KAZN: variants seen among roughly 807,000 people sequenced by gnomAD.
KAZN encodes the protein kazrin.
Under a neutral mutation model 87.4 loss-of-function variants are expected in KAZN, and 40 were observed. The observed-to-expected ratio is 0.46, with a 90% CI of 0.36 to 0.60. The LOEUF is 0.60. Among genes scored for constraint, KAZN ranks in the 20% least tolerant of loss-of-function variants. The pLI is 0.00. For synonymous variants in KAZN, 466 were observed against 458.3 expected, an observed-to-expected ratio of 1.02 and a Z score of -0.22; for missense variants, 898 against 1,073.9, an observed-to-expected ratio of 0.84 and a Z score of 2.29.
intron 1 of KAZN, among the ~76,000 whole-genome samples, chr1:14,166,346 A>G (rs1221970144): frequency 6.6e-6 from 1 of 152,198 alleles, no homozygotes; most frequent in East Asian, 1.9e-4. Context: ...ACATGAAGTC[A>G]TAGTGATTTC....
At chr1:14,806,451 C>A (rs1230010486) in intron 1 of KAZN, among the ~76,000 whole-genome samples, 1 of 152,196 alleles carries the variant, frequency 6.6e-6, no homozygotes, top group South Asian at 2.1e-4. Context: ...CCAATCATCC[C>A]CTGCAGACAC....
chr1:14,753,352 G>A (rs1208240898), intron 1 of KAZN, among the ~76,000 whole-genome samples: 1 of 152,162 alleles, frequency 6.6e-6, no homozygotes, highest in Non-Finnish European at 1.5e-5. Flanking sequence ...AGTGACAAAT[G>A]CCACAAGGTG....
At chr1:15,004,201 C>T (rs931428929) in intron 2 of KAZN, among the ~76,000 whole-genome samples, 2 of 152,126 alleles carry the variant, frequency 1.3e-5, no homozygotes, top group Non-Finnish European at 2.9e-5. Flanking sequence ...CTAAAATGTG[C>T]ACTTTTTGCA....
At chr1:14,256,374 T>C (rs1650514434) in intron 2 of KAZN, among the ~76,000 whole-genome samples, 1 of 151,466 alleles carries the variant, frequency 6.6e-6, no homozygotes, top group South Asian at 2.1e-4. Flanking sequence ...CATTATGAAG[T>C]AATGGTCTTA....
chr1:14,506,308 C>T (rs1670582317), intron 2 of KAZN, among the ~76,000 whole-genome samples: 1 of 152,210 alleles, frequency 6.6e-6, no homozygotes, highest in Non-Finnish European at 1.5e-5. Flanking sequence ...TTAAACCAGA[C>T]TTCACTCTCC....
chr1:13,986,563 A>AT (rs1162580613), intron 1 of KAZN, among the ~76,000 whole-genome samples: 1 of 152,214 alleles, frequency 6.6e-6, no homozygotes, highest in Non-Finnish European at 1.5e-5. Context: ...GACTTTGCCT[A>AT]TTTTTGGCTA....
chr1:14,073,818 G>A (rs536266114), intron 1 of KAZN, among the ~76,000 whole-genome samples: 10 of 152,268 alleles, frequency 6.6e-5, no homozygotes, highest in African/African-American at 2.4e-4. Context: ...ATTTGGGTTG[G>A]TTCCAAGTCT....
At chr1:14,180,976 A>G (rs1165339967) in intron 2 of KAZN, among the ~76,000 whole-genome samples, 1 of 152,112 alleles carries the variant, frequency 6.6e-6, no homozygotes, top group Non-Finnish European at 1.5e-5. Flanking sequence ...ATTTTGGTGC[A>G]TTTGCTGTAC....
Position 14,221,507 on chromosome 1 carries a change from G to A in KAZN, c.249+40915G>A, listed in dbSNP as rs139155585. Among the ~76,000 whole-genome samples the A allele has an allele frequency of 1.2e-3, 177 of 152,090 alleles. 1 individual carries two copies. Among genetic ancestry groups the A allele is most frequent in the Middle Eastern group, 6.8e-3 (2 of 292 alleles). On this transcript the variant is annotated intron_variant, in intron 2 of 16. Transcript: ENST00000636203. ...TTGCCTCCGAGAAGGGAAATAATAAGTTGCATTAAAACTCCTTAAAAAGAG... is the reference window on the plus strand; with the variant it reads ...TTGCCTCCGAGAAGGGAAATAATAAATTGCATTAAAACTCCTTAAAAAGAG...
chr1:14,882,699 C>A (rs756528836), intron 1 of KAZN, among the ~76,000 whole-genome samples: 5 of 152,096 alleles, frequency 3.3e-5, no homozygotes, highest in African/African-American at 9.7e-5. Context: ...GAGGGCTAGA[C>A]GGAATGCTTG....
intron 1 of KAZN, among the ~76,000 whole-genome samples, chr1:14,139,738 C>A (rs911189306): frequency 6.6e-6 from 1 of 152,188 alleles, no homozygotes; most frequent in Non-Finnish European, 1.5e-5. Flanking sequence ...GAATACTGTT[C>A]CAGAAAAAGG....
chr1:14,157,216 C>T (rs1645613906), intron 1 of KAZN, among the ~76,000 whole-genome samples: 1 of 151,950 alleles, frequency 6.6e-6, no homozygotes, highest in Non-Finnish European at 1.5e-5. Context: ...AAAGTTGTTG[C>T]AGTTATTATT....
intron 1 of KAZN, among the ~76,000 whole-genome samples, chr1:14,118,171 T>C (rs1393545296): frequency 2.0e-5 from 3 of 152,182 alleles, no homozygotes; most frequent in Admixed American, 6.5e-5. Context: ...AAAGGCAAGA[T>C]TTAGATTCAA....
chr1:14,818,657 A>G (rs867014774), intron 1 of KAZN, among the ~76,000 whole-genome samples: 2 of 152,268 alleles, frequency 1.3e-5, no homozygotes, highest in South Asian at 2.1e-4. Context: ...GCCAAACCCA[A>G]ATGGAGGCCA....
At chr1:13,893,556 C>T (rs1570196023) in exon 1 of KAZN, 1 of 1,466,924 alleles carries the variant, frequency 6.8e-7, no homozygotes. Context: ...TTGGAAGTGA[C>T]AAGTAGCCTC....
In KAZN at chr1:14,111,205, G is replaced by A. The variant is rs1209219055; in HGVS notation, c.92-69230G>A. Among the ~76,000 whole-genome samples the A allele has an allele frequency of 2.2e-5, 3 of 134,310 alleles. 1 individual carries two copies. The highest frequency in any genetic ancestry group is 4.8e-5 in the Non-Finnish European group (3 of 62,876). 88.1% of individuals were successfully genotyped at this position (134,310 alleles called of 152,430 possible). ...AGGATAAATAGAGTTTCCACCCAGG[G>A]CCTCTGCATCAGGGCGCCTAGCCAC... is the stretch of plus-strand genomic sequence containing the variant. On this transcript the variant is annotated intron_variant, in intron 1 of 16. Transcript: ENST00000636203.
Position 15,081,836 on chromosome 1 carries a change from C to T in KAZN, c.1223-12344C>T, listed in dbSNP as rs536570814. Among the ~76,000 whole-genome samples the T allele has an allele frequency of 2.0e-5, 3 of 152,062 alleles. No individual in the cohort carries two copies. The highest frequency in any genetic ancestry group is 4.4e-5 in the Non-Finnish European group (3 of 67,998). On this transcript the variant is annotated intron_variant, in intron 8 of 14. Coordinates refer to ENST00000376030, the MANE Select transcript of KAZN (RefSeq NM_201628.3). This position sits in a 1 kb window ranked among gnomAD's most constrained non-coding sequence, Gnocchi z 4.1. Reference sequence around the variant, plus strand: ...AAGCTAAGGATGAAGCTGGCAAGGTCGGCCTGTGGGTCACAGCAAGGACCT... The same window carrying T: ...AAGCTAAGGATGAAGCTGGCAAGGTTGGCCTGTGGGTCACAGCAAGGACCT...
chr1:13,994,653 C>T (rs6694090), intron 1 of KAZN, among the ~76,000 whole-genome samples: 22,161 of 152,026 alleles, frequency 0.15, 1,682 homozygotes, highest in Middle Eastern at 0.22. Flanking sequence ...TGTAACCAGA[C>T]GGTTCTATGA....
chr1:15,034,570 G>A (rs1404330025), intron 2 of KAZN, among the ~76,000 whole-genome samples, 179 bp from the exon 3 acceptor site: 4 of 152,224 alleles, frequency 2.6e-5, no homozygotes, highest in Non-Finnish European at 5.9e-5. Context: ...GGTGAGCCTG[G>A]CTTGGAATCC....
Sources: gnomAD v4.1 joint callset for allele counts (sites outside exome capture counted in the v4.1 genomes callset) on GRCh38, gnomAD v4.1.1 for gene constraint, Gnocchi (gnomAD v3.1) non-coding constraint, MANE v1.5 for transcripts, NCBI Gene and HGNC (gene_info 2026-07-23, HGNC 2026-07-21) for gene names.